Variants in KIAA0586 observed in about 807,000 individuals in gnomAD.
KIAA0586 encodes KIAA0586.
Under a neutral mutation model 169.8 loss-of-function variants are expected in KIAA0586, and 144 were observed. That is an observed-to-expected ratio of 0.85 (90% CI 0.74 to 0.97). The LOEUF is 0.97. KIAA0586 is among the 50% of genes least tolerant of loss of function. The probability of loss-of-function intolerance (pLI) is 0.00; values close to 1 mark genes in which losing one functional copy is unlikely to be tolerated. For synonymous variants in KIAA0586, 625 were observed against 612.4 expected (o/e 1.02, Z -0.30); for missense variants, 1,854 against 1,823.0 (o/e 1.02, Z -0.31).
the KIAA0586 span, among the ~76,000 whole-genome samples, chr14:58,558,497 G>A: frequency 3.2e-3 from 492 of 152,274 alleles, 2 homozygotes; most frequent in African/African-American, 0.011. Context: ...GGATCTTCAT[G>A]GAATACTTAG....
intron 13 of KIAA0586, 138 bp from the exon 14 acceptor site, chr14:58,460,848 G>A (rs1279501785): frequency 4.1e-6 from 2 of 483,248 alleles, no homozygotes; most frequent in Non-Finnish European, 7.0e-6. Flanking sequence ...AGAATTTAAG[G>A]GCTGTTGAAA....
At chr14:58,523,179 A>G (rs1355188535) in intron 29 of KIAA0586, among the ~76,000 whole-genome samples, 6 of 152,302 alleles carry the variant, frequency 3.9e-5, no homozygotes, top group African/African-American at 1.4e-4. Context: ...AATATTATGC[A>G]AGGATTTCTA....
At chr14:58,449,378 A>G (rs893527065) in intron 7 of KIAA0586, among the ~76,000 whole-genome samples, 2 of 152,050 alleles carry the variant, frequency 1.3e-5, no homozygotes, top group African/African-American at 4.8e-5. Context: ...AAAAATAAAA[A>G]ATTATCCAGG....
intron 4 of KIAA0586, among the ~76,000 whole-genome samples, chr14:58,440,418 G>A (rs1324200436): frequency 2.0e-5 from 3 of 151,680 alleles, no homozygotes; most frequent in Non-Finnish European, 4.4e-5. Flanking sequence ...TGCAACCTCC[G>A]TCTCCTGGGT....
chr14:58,484,901 TATATATATATATATATATATA>T (rs1566876901), intron 21 of KIAA0586, among the ~76,000 whole-genome samples: 5 of 4,952 alleles, frequency 1.0e-3, no homozygotes, highest in Admixed American at 3.9e-3. Context: ...TATATATATA[TATATATATATATATATATATA>T]TATTTTTTTT....
intron 21 of KIAA0586, among the ~76,000 whole-genome samples, chr14:58,483,146 A>G (rs1455482020): frequency 9.2e-6 from 1 of 108,630 alleles, no homozygotes; most frequent in Non-Finnish European, 1.9e-5. Flanking sequence ...AAACCAAAGA[A>G]TATGAAAAGT....
At chr14:58,535,914 C>G (rs1220088892) in intron 29 of KIAA0586, among the ~76,000 whole-genome samples, 1 of 151,784 alleles carries the variant, frequency 6.6e-6, no homozygotes, top group Non-Finnish European at 1.5e-5. Flanking sequence ...TAGTTTTATG[C>G]TGTTTTCTTA....
intron 21 of KIAA0586, among the ~76,000 whole-genome samples, chr14:58,486,071 T>G (rs2042416882): frequency 6.6e-6 from 1 of 152,178 alleles, no homozygotes; most frequent in African/African-American, 2.4e-5. Flanking sequence ...TACCCAAAAG[T>G]AGTTTTTCAA....
At chr14:58,453,960 C>T (rs751970330) in intron 9 of KIAA0586, among the ~76,000 whole-genome samples, 12 of 152,068 alleles carry the variant, frequency 7.9e-5, no homozygotes, top group Non-Finnish European at 1.5e-4. Flanking sequence ...TTAAAAACTA[C>T]AGTAATAAGA....
rs74056201 is a variant in KIAA0586, at chr14:58,539,863, A to G, written c.4430-208A>G. 2,417 of 415,564 alleles carry G rather than the reference A, an allele frequency of 5.8e-3. 61 individuals carry two copies. Among genetic ancestry groups the G allele is most frequent in the African/African-American group, 0.044 (2,127 of 48,800 alleles). The allele number at this position is 415,564 out of a possible 1,614,324, so 25.7% of individuals were successfully genotyped here. On this transcript the variant is annotated intron_variant, in intron 29 of 30. Coordinates refer to ENST00000652326, the MANE Select transcript of KIAA0586 (RefSeq NM_001329943.3). Reference sequence around the variant, plus strand: ...TGATGCATAAAGATAATAATCCGTTAAAGTATTTCCTATTGATAGTCATTA... The same window carrying G: ...TGATGCATAAAGATAATAATCCGTTGAAGTATTTCCTATTGATAGTCATTA...
At chr14:58,509,649 A>G (rs1449993502) in intron 28 of KIAA0586, among the ~76,000 whole-genome samples, 1 of 152,232 alleles carries the variant, frequency 6.6e-6, no homozygotes, top group Non-Finnish European at 1.5e-5. Context: ...TTTATGGAAC[A>G]CATGATTATG....
At chr14:58,531,962 A>G (rs1240396005) in intron 29 of KIAA0586, among the ~76,000 whole-genome samples, 1 of 151,722 alleles carries the variant, frequency 6.6e-6, no homozygotes, top group Non-Finnish European at 1.5e-5. Flanking sequence ...TCATGTTCTC[A>G]CTCATAAGTG....
At chr14:58,519,030 G>T (rs539024815) in intron 29 of KIAA0586, among the ~76,000 whole-genome samples, 6 of 152,290 alleles carry the variant, frequency 3.9e-5, no homozygotes, top group African/African-American at 1.4e-4. Context: ...TACTTGGGAG[G>T]CTGAGACATG....
In KIAA0586 at chr14:58,458,555, G is replaced by A. The variant is rs2040060622; in HGVS notation, c.1656+10G>A. ...TTCTGCAGAAATTCAGGTATGTCTT[G>A]GAAAAAAACTGAAAATTAAGTGAAT... On this transcript the variant is annotated intron_variant, in intron 12 of 30. Transcript: ENST00000652326. 6.8e-7 allele frequency: 1 copy of A among 1,468,954 alleles called. No homozygotes were observed. The highest frequency in any genetic ancestry group is 9.2e-7 in the Non-Finnish European group (1 of 1,085,448). 91.0% of individuals were successfully genotyped at this position (1,468,954 alleles called of 1,614,324 possible).
chr14:58,466,206 G>A (rs974029732), intron 15 of KIAA0586, among the ~76,000 whole-genome samples, 177 bp downstream of exon 15: 72 of 152,070 alleles, frequency 4.7e-4, no homozygotes, highest in Middle Eastern at 3.2e-3. Context: ...GTGAGGCACC[G>A]TGCCCAGCCA....
At chr14:58,456,844 G>A (rs2039900578) in intron 10 of KIAA0586, 34 bp downstream of exon 10, 3 of 1,090,556 alleles carry the variant, frequency 2.8e-6, no homozygotes, top group Admixed American at 4.5e-5. Flanking sequence ...TTGATGATTA[G>A]TTAAGATAAA....
intron 26 of KIAA0586, among the ~76,000 whole-genome samples, chr14:58,495,815 CT>C (rs1223345223): frequency 2.0e-5 from 3 of 151,896 alleles, no homozygotes; most frequent in South Asian, 2.1e-4. Context: ...GTATAAAATC[CT>C]TTTTTTGTAC....
In KIAA0586 at chr14:58,474,806, A is replaced by G. The variant is rs766859143; in HGVS notation, c.2825+9A>G. 2 of 1,573,230 alleles carry G rather than the reference A, an allele frequency of 1.3e-6. No homozygotes were observed. Among genetic ancestry groups the G allele is most frequent in the Non-Finnish European group, 1.7e-6 (2 of 1,154,226 alleles). Reference sequence around the variant, plus strand: ...AATAGCTTAATTCAATGGTAAGTTTATAATGTTTTTGGTATGAATAGAACC... The same window carrying G: ...AATAGCTTAATTCAATGGTAAGTTTGTAATGTTTTTGGTATGAATAGAACC... On this transcript the variant is annotated intron_variant, in intron 19 of 30. Transcript: ENST00000652326.
At chr14:58,557,095 C>T in the KIAA0586 span, among the ~76,000 whole-genome samples, 1 of 152,198 alleles carries the variant, frequency 6.6e-6, no homozygotes, top group African/African-American at 2.4e-5. Flanking sequence ...GACTATACCA[C>T]AATTCATTAA....
Sources: gnomAD v4.1 joint callset for allele counts (sites outside exome capture counted in the v4.1 genomes callset) on GRCh38, gnomAD v4.1.1 for gene constraint, MANE v1.5 for transcripts, NCBI Gene and HGNC (gene_info 2026-07-23, HGNC 2026-07-21) for gene names.